LRBA: variants seen among roughly 807,000 people sequenced by gnomAD.
The protein encoded by LRBA is LPS responsive beige-like anchor protein, also known as lipopolysaccharide-responsive and beige-like anchor protein.
LRBA carries 176 observed loss-of-function variants against 330.0 expected under a neutral mutation model. The ratio of observed to expected loss-of-function variants is 0.53; its 90% CI spans 0.47 to 0.60. LRBA has a LOEUF of 0.60. LRBA is among the 20% of genes least tolerant of loss of function. The pLI is 0.00. For missense variants in LRBA, 3,259 were observed against 3,444.8 expected (o/e 0.95, Z 1.35); for synonymous variants, 1,230 against 1,193.0 (o/e 1.03, Z -0.64).
chr4:150,502,625 G>A (rs1760428393), intron 40 of LRBA, among the ~76,000 whole-genome samples: 1 of 152,240 alleles, frequency 6.6e-6, no homozygotes, highest in African/African-American at 2.4e-5. Flanking sequence ...CCCAGTGTGA[G>A]CAACACAGAA....
chr4:150,555,706 G>C (rs186476005), intron 40 of LRBA, among the ~76,000 whole-genome samples: 1 of 151,142 alleles, frequency 6.6e-6, no homozygotes, highest in Non-Finnish European at 1.5e-5. Flanking sequence ...AGCCAAGATC[G>C]CACCACTGCA....
At chr4:150,301,612 T>C (rs1729691287) in intron 53 of LRBA, among the ~76,000 whole-genome samples, 1 of 152,130 alleles carries the variant, frequency 6.6e-6, no homozygotes. Flanking sequence ...AAAGGTTCAT[T>C]TTCATACAAA....
At chr4:150,917,256 T>C (rs1350128115) in intron 5 of LRBA, among the ~76,000 whole-genome samples, 3 of 151,546 alleles carry the variant, frequency 2.0e-5, no homozygotes, top group African/African-American at 7.3e-5. Context: ...CCCTAATACA[T>C]AGTAATGTTA....
chr4:150,701,675 G>C (rs570030550), intron 36 of LRBA, among the ~76,000 whole-genome samples: 1 of 152,274 alleles, frequency 6.6e-6, no homozygotes, highest in South Asian at 2.1e-4. Flanking sequence ...CTATGCTAGA[G>C]ATGCAGAAAT....
At chr4:150,972,083 C>T (rs988025414) in intron 2 of LRBA, among the ~76,000 whole-genome samples, 1 of 152,060 alleles carries the variant, frequency 6.6e-6, no homozygotes, top group Admixed American at 6.5e-5. Context: ...AAAAATGAAA[C>T]TAATGAGCAC....
Position 150,346,757 on chromosome 4 carries a change from C to CAAAAAAAAAA in LRBA, c.7362+3225_7362+3234dup, listed in dbSNP as rs57119340. The stretch of plus-strand genomic sequence containing the variant: ...CTGGCAACAATGTGAGACTCTGTCT[C>CAAAAAAAAAA]AAAAAAAAAAAAAAAAAAAAAAAAA... On this transcript the variant is annotated intron_variant, in intron 48 of 56. Coordinates refer to ENST00000651943, the MANE Select transcript of LRBA (RefSeq NM_001364905.1). Among the ~76,000 whole-genome samples the CAAAAAAAAAA allele has an allele frequency of 1.7e-4, 11 of 66,152 alleles. 3 individuals carry two copies. Among genetic ancestry groups the CAAAAAAAAAA allele is most frequent in the African/African-American group, 7.0e-4 (9 of 12,892 alleles). 43.4% of individuals were successfully genotyped at this position (66,152 alleles called of 152,430 possible).
chr4:150,417,304 T>A (rs1747917402), intron 46 of LRBA, among the ~76,000 whole-genome samples: 1 of 152,178 alleles, frequency 6.6e-6, no homozygotes, highest in Non-Finnish European at 1.5e-5. Context: ...TAAATCACTA[T>A]ATAATTTTCT....
intron 20 of LRBA, among the ~76,000 whole-genome samples, chr4:150,868,707 G>C (rs1190770082): frequency 6.6e-6 from 1 of 152,170 alleles, no homozygotes; most frequent in African/African-American, 2.4e-5. Flanking sequence ...GGAAGCTGAG[G>C]TGGGTGGATC....
intron 48 of LRBA, among the ~76,000 whole-genome samples, chr4:150,331,642 C>T (rs555843656): frequency 1.6e-4 from 24 of 152,230 alleles, no homozygotes; most frequent in African/African-American, 5.8e-4. Context: ...TAATGCAAGA[C>T]TATACTGAGA....
At chr4:150,491,825 T>C (rs916892805) in intron 40 of LRBA, among the ~76,000 whole-genome samples, 1 of 152,304 alleles carries the variant, frequency 6.6e-6, no homozygotes, top group Non-Finnish European at 1.5e-5. Flanking sequence ...AAAAGCTTAA[T>C]TGTGAAAGCG....
intron 33 of LRBA, among the ~76,000 whole-genome samples, chr4:150,799,435 GA>G (rs1741267650): frequency 6.6e-6 from 1 of 152,144 alleles, no homozygotes; most frequent in African/African-American, 2.4e-5. Flanking sequence ...CTGCTGGTCT[GA>G]AACCTTGCCA....
chr4:150,593,478 G>A (rs1773136550), intron 38 of LRBA, among the ~76,000 whole-genome samples: 1 of 152,126 alleles, frequency 6.6e-6, no homozygotes, highest in Admixed American at 6.5e-5. Flanking sequence ...TTAAAAACAG[G>A]CAGCACGGTG....
At chr4:150,860,344 G>A (rs1435407457) in intron 22 of LRBA, among the ~76,000 whole-genome samples, 1 of 152,092 alleles carries the variant, frequency 6.6e-6, no homozygotes, top group Non-Finnish European at 1.5e-5. Context: ...GCAAAAAGTG[G>A]TAGGTCTAGT....
At chr4:150,570,049 T>C (rs1465225500) in intron 40 of LRBA, among the ~76,000 whole-genome samples, 1 of 152,086 alleles carries the variant, frequency 6.6e-6, no homozygotes, top group Non-Finnish European at 1.5e-5. Context: ...ATAAAGAAAT[T>C]TCCCATGAAG....
At chr4:150,848,728 C>T in intron 26 of LRBA, 90 bp downstream of exon 26, 1 of 1,004,534 alleles carries the variant, frequency 1.0e-6, no homozygotes, top group Non-Finnish European at 1.5e-6. Context: ...TATATTTTCT[C>T]ACCAACAGAA....
At chr4:150,555,228 G>C (rs191434125) in intron 40 of LRBA, among the ~76,000 whole-genome samples, 53 of 152,192 alleles carry the variant, frequency 3.5e-4, no homozygotes, top group African/African-American at 1.2e-3. Context: ...ATAAAGAAAT[G>C]CTATCACCCA....
intron 35 of LRBA, among the ~76,000 whole-genome samples, chr4:150,744,921 T>C (rs1216345001): frequency 2.6e-5 from 4 of 152,198 alleles, no homozygotes; most frequent in Non-Finnish European, 5.9e-5. Flanking sequence ...CTGGTACTTA[T>C]GTAATAAAGT....
intron 37 of LRBA, among the ~76,000 whole-genome samples, chr4:150,623,831 TATCCACAGCACTC>T (rs1351900399): frequency 1.3e-5 from 2 of 152,132 alleles, no homozygotes; most frequent in African/African-American, 4.8e-5. Context: ...TTTAAAATAA[TATCCACAGCACTC>T]TATTTTTTAT....
At chr4:150,972,119 T>G (rs1289879430) in intron 2 of LRBA, among the ~76,000 whole-genome samples, 1 of 152,274 alleles carries the variant, frequency 6.6e-6, no homozygotes, top group African/African-American at 2.4e-5. Context: ...TGAAGTAATA[T>G]ATGTAAAACC....
Sources: gnomAD v4.1 joint callset for allele counts (sites outside exome capture counted in the v4.1 genomes callset) on GRCh38, gnomAD v4.1.1 for gene constraint, MANE v1.5 for transcripts, NCBI Gene and HGNC (gene_info 2026-07-23, HGNC 2026-07-21) for gene names.